PMFBP1: variants seen among roughly 807,000 people sequenced by gnomAD.
PMFBP1 encodes the protein polyamine modulated factor 1 binding protein 1.
In PMFBP1, 131 loss-of-function variants were observed where a neutral mutation model predicts 137.8. That is an observed-to-expected ratio of 0.95 (90% CI 0.82 to 1.10). The LOEUF (loss-of-function observed/expected upper bound fraction) is 1.10. Among genes scored for constraint, PMFBP1 ranks in the 50% least tolerant of loss-of-function variants. The probability of loss-of-function intolerance (pLI) is 0.00; values close to 1 mark genes in which losing one functional copy is unlikely to be tolerated. For synonymous variants in PMFBP1, 490 were observed against 450.4 expected, an observed-to-expected ratio of 1.09 and a Z score of -1.11; for missense variants, 1,199 against 1,175.4, an observed-to-expected ratio of 1.02 and a Z score of -0.29.
the PMFBP1 span, among the ~76,000 whole-genome samples, chr16:72,230,064 C>G: frequency 6.6e-6 from 1 of 152,168 alleles, no homozygotes; most frequent in Non-Finnish European, 1.5e-5. Flanking sequence ...TTACCAATAC[C>G]TCTTAGGGGA....
At chr16:72,153,245 T>C (rs2042929941) in intron 4 of PMFBP1, among the ~76,000 whole-genome samples, 1 of 152,190 alleles carries the variant, frequency 6.6e-6, no homozygotes, top group African/African-American at 2.4e-5. Context: ...CCTTTCTCTG[T>C]TCCTCCCACT....
the PMFBP1 span, among the ~76,000 whole-genome samples, chr16:72,203,992 T>C: frequency 2.6e-5 from 4 of 152,194 alleles, no homozygotes; most frequent in Non-Finnish European, 5.9e-5. Context: ...GGGAGGACCC[T>C]GTCTGCCTCT....
the PMFBP1 span, among the ~76,000 whole-genome samples, chr16:72,234,269 A>G: frequency 1.3e-5 from 2 of 152,202 alleles, no homozygotes; most frequent in African/African-American, 4.8e-5. Context: ...CTTGCCAAAC[A>G]GATGGAGAGA....
the PMFBP1 span, among the ~76,000 whole-genome samples, chr16:72,227,445 A>G: frequency 6.6e-5 from 10 of 152,224 alleles, no homozygotes; most frequent in African/African-American, 2.4e-4. Flanking sequence ...AGAAAATTAA[A>G]ACTACCTACA....
At chr16:72,152,466 G>A (rs1425145046) in intron 4 of PMFBP1, among the ~76,000 whole-genome samples, 6 of 152,108 alleles carry the variant, frequency 3.9e-5, no homozygotes, top group Admixed American at 1.3e-4. Context: ...TGTGGCTTCC[G>A]GAAAGTGTCC....
chr16:72,136,381 G>T, intron 9 of PMFBP1, 67 bp downstream of exon 9: 1 of 1,549,942 alleles, frequency 6.5e-7, no homozygotes, highest in South Asian at 1.2e-5. Context: ...AGGCAGAACC[G>T]GTTAATGCCA....
chr16:72,243,971 A>G, the PMFBP1 span, among the ~76,000 whole-genome samples: 1 of 152,180 alleles, frequency 6.6e-6, no homozygotes, highest in African/African-American at 2.4e-5. Context: ...AAACAGCTCT[A>G]GAGATAATTT....
intron 5 of PMFBP1, among the ~76,000 whole-genome samples, chr16:72,145,638 CTAAT>C (rs1210496715): frequency 6.6e-6 from 1 of 151,770 alleles, no homozygotes; most frequent in Non-Finnish European, 1.5e-5. Context: ...GCTAGCCAGA[CTAAT>C]AAAGAAGAAA....
At chr16:72,217,748 G>A in the PMFBP1 span, among the ~76,000 whole-genome samples, 1 of 152,264 alleles carries the variant, frequency 6.6e-6, no homozygotes, top group Non-Finnish European at 1.5e-5. Flanking sequence ...AGCTACTCGG[G>A]AGGCTGAGGC....
chr16:72,183,167 T>C, the PMFBP1 span, among the ~76,000 whole-genome samples: 3 of 152,228 alleles, frequency 2.0e-5, no homozygotes, highest in African/African-American at 7.2e-5. Flanking sequence ...TTATGCCTAG[T>C]TCCTCTATGA....
rs769554360 is a variant in PMFBP1 at position 72,125,377 on chromosome 16, CTCTT to C, written c.2278_2281del (p.Lys760AlafsTer6). On this transcript the variant is annotated frameshift_variant, in exon 16 of 21. Transcript: ENST00000237353. LOFTEE classifies it high-confidence loss of function. Reference sequence around the variant, plus strand: ...GGTCTGTGTCAAGCTTTGCTGCAGGCTCTTTGTCTCTGAGGTCACGTGATTGAGC... The same window carrying C: ...GGTCTGTGTCAAGCTTTGCTGCAGGCTGTCTCTGAGGTCACGTGATTGAGC... 150 of 1,611,970 alleles carry C rather than the reference CTCTT, an allele frequency of 9.3e-5. No homozygotes were observed. Among genetic ancestry groups the C allele is most frequent in the Non-Finnish European group, 1.3e-4 (149 of 1,179,582 alleles).
chr16:72,238,364 C>T, the PMFBP1 span, among the ~76,000 whole-genome samples: 1 of 152,162 alleles, frequency 6.6e-6, no homozygotes, highest in Admixed American at 6.5e-5. Context: ...GAAATGGTAT[C>T]TCACTGTGGT....
At chr16:72,230,101 T>C in the PMFBP1 span, among the ~76,000 whole-genome samples, 14 of 152,218 alleles carry the variant, frequency 9.2e-5, no homozygotes, top group Admixed American at 8.5e-4. Context: ...TTGAATCAAA[T>C]GGGCCAACAC....
rs4788459 is a variant in PMFBP1, at chr16:72,119,226, C to G, written c.*112G>C. On this transcript the variant is annotated 3_prime_UTR_variant, in exon 21 of 21. Transcript: ENST00000237353. Reference sequence around the variant, plus strand: ...AGTGTCTTGCAAAATAGGCTGGGACCGTGATATACTCCTGTAAGAGCTGAT... The same window carrying G: ...AGTGTCTTGCAAAATAGGCTGGGACGGTGATATACTCCTGTAAGAGCTGAT... The G allele has an allele frequency of 0.15, 187,753 of 1,230,872 alleles. 16,565 individuals carry two copies. The highest frequency in any genetic ancestry group is 0.19 in the South Asian group (14,884 of 79,354). The allele number at this position is 1,230,872 out of a possible 1,614,324, so 76.2% of individuals were successfully genotyped here. A position where few individuals can be genotyped will look rare whatever the true frequency, so the allele number is the denominator to read the frequency against.
Position 72,172,087 on chromosome 16 carries a change from A to G in PMFBP1, c.-94T>C, listed in dbSNP as rs899186722. The G allele has an allele frequency of 1.3e-5, 2 of 152,208 alleles. No individual in the cohort carries two copies. Among genetic ancestry groups the G allele is most frequent in the Non-Finnish European group, 2.9e-5 (2 of 68,036 alleles). 9.4% of individuals were successfully genotyped at this position (152,208 alleles called of 1,614,324 possible). ...TAGTTCAAGGAATGAGAAGCTATCA[A>G]AATACTCATCCTTTGTAACAAACCA... On this transcript the variant is annotated 5_prime_UTR_variant, in exon 1 of 21. Transcript: ENST00000237353.
intron 17 of PMFBP1, among the ~76,000 whole-genome samples, chr16:72,124,023 C>CT (rs1218108832): frequency 2.6e-5 from 4 of 152,086 alleles, no homozygotes; most frequent in African/African-American, 4.8e-5. Context: ...TTTCTCTCTT[C>CT]TTTTTTTTGA....
At chr16:72,221,089 T>C in the PMFBP1 span, among the ~76,000 whole-genome samples, 12 of 151,934 alleles carry the variant, frequency 7.9e-5, no homozygotes, top group African/African-American at 2.7e-4. Flanking sequence ...CAAAAGCCCA[T>C]AAAGTCTGAA....
chr16:72,215,291 G>T, the PMFBP1 span, among the ~76,000 whole-genome samples: 1 of 151,378 alleles, frequency 6.6e-6, no homozygotes, highest in African/African-American at 2.4e-5. Context: ...AAAACAAAGA[G>T]AAATAAATCC....
chr16:72,173,729 G>A (rs1281006347), upstream of PMFBP1, among the ~76,000 whole-genome samples: 1 of 152,144 alleles, frequency 6.6e-6, no homozygotes, highest in Non-Finnish European at 1.5e-5. Context: ...GTGTTTTGGG[G>A]GAGCCCCACA....
Sources: gnomAD v4.1 joint callset for allele counts (sites outside exome capture counted in the v4.1 genomes callset) on GRCh38, gnomAD v4.1.1 for gene constraint, MANE v1.5 for transcripts, NCBI Gene and HGNC (gene_info 2026-07-23, HGNC 2026-07-21) for gene names.